The following CADM2 variants were observed in gnomAD, a reference collection of about 807,000 sequenced individuals.
CADM2 encodes immunoglobulin superfamily member 4D.
CADM2 carries 12 observed loss-of-function variants against 49.8 expected under a neutral mutation model. The ratio of observed to expected loss-of-function variants is 0.24; its 90% CI spans 0.15 to 0.39. The LOEUF is 0.39. Among genes scored for constraint, CADM2 ranks in the 10% least tolerant of loss-of-function variants. The pLI, the probability that CADM2 is intolerant of heterozygous loss-of-function variation, is 1.00. For synonymous variants in CADM2, 214 were observed against 175.4 expected, an observed-to-expected ratio of 1.22 and a Z score of -1.74; for missense variants, 378 against 492.3, an observed-to-expected ratio of 0.77 and a Z score of 2.20.
intron 8 of CADM2, among the ~76,000 whole-genome samples, chr3:86,019,649 G>A (rs1433412880): frequency 6.6e-6 from 1 of 151,970 alleles, no homozygotes; most frequent in African/African-American, 2.4e-5. Flanking sequence ...AATTGTGAAT[G>A]GGAGTTTACT....
chr3:85,636,434 GTGTT>G (rs2064487730), intron 1 of CADM2, among the ~76,000 whole-genome samples: 1 of 152,088 alleles, frequency 6.6e-6, no homozygotes, highest in Admixed American at 6.6e-5. Flanking sequence ...TTCAAGCAAT[GTGTT>G]ATTACAAAAG....
intron 1 of CADM2, among the ~76,000 whole-genome samples, chr3:84,978,241 G>T (rs1008389009): frequency 6.6e-6 from 1 of 152,086 alleles, no homozygotes; most frequent in Non-Finnish European, 1.5e-5. Flanking sequence ...TAGTTGATAA[G>T]CTCTGTGAAT....
At chr3:85,943,972 A>T (rs1722308110) in intron 7 of CADM2, among the ~76,000 whole-genome samples, 1 of 152,014 alleles carries the variant, frequency 6.6e-6, no homozygotes, top group Non-Finnish European at 1.5e-5. Context: ...AAATACACAC[A>T]CTGGCAAATT....
chr3:85,139,309 A>G (rs572115985), intron 1 of CADM2, among the ~76,000 whole-genome samples: 1 of 152,288 alleles, frequency 6.6e-6, no homozygotes, highest in Admixed American at 6.5e-5. Flanking sequence ...GATTTTTGGA[A>G]TTCTTTTGAA....
chr3:85,493,532 A>T (rs1175958509), intron 1 of CADM2, among the ~76,000 whole-genome samples: 1 of 152,210 alleles, frequency 6.6e-6, no homozygotes, highest in Non-Finnish European at 1.5e-5. Context: ...TCCAGTGAAA[A>T]AAGCACAGTG....
At chr3:85,979,351 AG>A in intron 8 of CADM2, 1 of 1,542,694 alleles carries the variant, frequency 6.5e-7, no homozygotes, top group Non-Finnish European at 8.8e-7. Flanking sequence ...GTTTTTAGAA[AG>A]GTTAAAAACA....
intron 1 of CADM2, among the ~76,000 whole-genome samples, chr3:85,419,016 C>T (rs971359198): frequency 3.3e-5 from 5 of 151,952 alleles, no homozygotes; most frequent in Admixed American, 3.3e-4. Flanking sequence ...AAAGAGAGCC[C>T]AAATAAGTAC....
chr3:85,568,094 C>A (rs2062322154), intron 1 of CADM2, among the ~76,000 whole-genome samples: 1 of 152,296 alleles, frequency 6.6e-6, no homozygotes, highest in African/African-American at 2.4e-5. Flanking sequence ...GTATCCTCAG[C>A]AGTAATGTCT....
intron 1 of CADM2, among the ~76,000 whole-genome samples, chr3:85,716,134 T>C (rs1324322885): frequency 6.6e-6 from 1 of 152,196 alleles, no homozygotes; most frequent in South Asian, 2.1e-4. Context: ...AGTGTAAAAG[T>C]GTTCCTATTT....
intron 1 of CADM2, among the ~76,000 whole-genome samples, chr3:85,630,161 G>A (rs2064262239): frequency 6.6e-6 from 1 of 151,954 alleles, no homozygotes; most frequent in African/African-American, 2.4e-5. Context: ...CTAAGACCAT[G>A]CTTTTTGCCA....
At chr3:85,769,628 TATATACAC>T (rs2069960591) in intron 2 of CADM2, among the ~76,000 whole-genome samples, 1 of 118,282 alleles carries the variant, frequency 8.5e-6, no homozygotes, top group Admixed American at 9.6e-5. Flanking sequence ...ATATAGTATA[TATATACAC>T]ATATATACAT....
intron 1 of CADM2, among the ~76,000 whole-genome samples, chr3:84,966,263 A>G (rs890195300): frequency 6.6e-6 from 1 of 152,146 alleles, no homozygotes; most frequent in African/African-American, 2.4e-5. Context: ...TTGAGTATGG[A>G]AATATTCCAC....
intron 8 of CADM2, among the ~76,000 whole-genome samples, chr3:86,050,961 A>G (rs1015297956): frequency 6.6e-6 from 1 of 152,136 alleles, no homozygotes; most frequent in African/African-American, 2.4e-5. Flanking sequence ...CTTTTTACTT[A>G]TGCAAATTTC....
chr3:85,178,783 G>T (rs528353818), intron 1 of CADM2, among the ~76,000 whole-genome samples: 1 of 151,586 alleles, frequency 6.6e-6, no homozygotes, highest in South Asian at 2.1e-4. Context: ...GTAAAAATAC[G>T]TGAGTCTACT....
chr3:85,817,974 A>G (rs946485645), intron 3 of CADM2, among the ~76,000 whole-genome samples: 1 of 152,174 alleles, frequency 6.6e-6, no homozygotes, highest in African/African-American at 2.4e-5. Flanking sequence ...AATTCAAAGC[A>G]AAACAAATCA....
In CADM2 at chr3:85,543,420, A is replaced by ATGTGTGTGGGGGTG. The variant is rs372108050; in HGVS notation, c.62-183094_62-183093insGGGGTGTGTGTGTG. Among the ~76,000 whole-genome samples the ATGTGTGTGGGGGTG allele has an allele frequency of 8.2e-4, 106 of 129,642 alleles. 3 individuals carry two copies. Among genetic ancestry groups the ATGTGTGTGGGGGTG allele is most frequent in the East Asian group, 2.1e-3 (8 of 3,772 alleles). The allele number at this position is 129,642 out of a possible 152,430, so 85.1% of individuals were successfully genotyped here. The stretch of plus-strand genomic sequence containing the variant: ...CAGGCACCGCCACCATGCCAAGCTA[A>ATGTGTGTGGGGGTG]TGTGTGTGTGTGTGTGTGTGTGTGT... On this transcript the variant is annotated intron_variant, in intron 1 of 9. Transcript: ENST00000383699.
intron 8 of CADM2, among the ~76,000 whole-genome samples, chr3:86,064,060 C>T (rs1424980518): frequency 6.6e-6 from 1 of 151,204 alleles, no homozygotes; most frequent in African/African-American, 2.4e-5. Context: ...TATATATATA[C>T]ATTTTTTTAT....
At chr3:85,024,189 C>A (rs903666538) in intron 1 of CADM2, among the ~76,000 whole-genome samples, 2 of 152,086 alleles carry the variant, frequency 1.3e-5, no homozygotes, top group Non-Finnish European at 2.9e-5. Context: ...AAGTTATCAG[C>A]CATCAAAGGA....
At chr3:84,998,406 TCCCCTTTTAATGCCTGAAGTA>T (rs1041481682) in intron 1 of CADM2, among the ~76,000 whole-genome samples, 3 of 152,122 alleles carry the variant, frequency 2.0e-5, no homozygotes, top group Admixed American at 1.3e-4. Flanking sequence ...GTCCTGATGT[TCCCCTTTTAATGCCTGAAGTA>T]CCCCTTTTAA....
Sources: allele counts gnomAD v4.1 joint callset (sites outside exome capture counted in the v4.1 genomes callset), GRCh38; gene constraint gnomAD v4.1.1; transcripts MANE v1.5; gene names NCBI Gene and HGNC (gene_info 2026-07-23, HGNC 2026-07-21).